Variants in ARB2A observed in about 807,000 individuals in gnomAD.
ARB2A encodes the protein cotranscriptional regulator ARB2A.
chr5:94,029,625 T>A, the ARB2A span, among the ~76,000 whole-genome samples: 3 of 151,302 alleles, frequency 2.0e-5, no homozygotes, highest in Admixed American at 2.0e-4. Context: ...TGCTGTATTA[T>A]CAGTGATCCT....
the ARB2A span, among the ~76,000 whole-genome samples, chr5:94,036,533 T>C: frequency 1.3e-5 from 2 of 152,236 alleles, no homozygotes; most frequent in Admixed American, 6.5e-5. Context: ...TGTTTCTCTA[T>C]AGCCTCATCT....
the ARB2A span, among the ~76,000 whole-genome samples, chr5:93,707,167 C>G: frequency 1.3e-5 from 2 of 152,098 alleles, no homozygotes; most frequent in Non-Finnish European, 2.9e-5. Context: ...CATTGGGAGG[C>G]TGAACAAGTT....
chr5:93,912,714 T>C, the ARB2A span, among the ~76,000 whole-genome samples: 9 of 151,810 alleles, frequency 5.9e-5, no homozygotes, highest in Non-Finnish European at 2.9e-5. Flanking sequence ...GCTAAAAAAT[T>C]TAAAATTTCA....
the ARB2A span, among the ~76,000 whole-genome samples, chr5:93,855,540 T>C: frequency 2.6e-5 from 4 of 152,162 alleles, no homozygotes; most frequent in Admixed American, 6.5e-5. Context: ...GTTGATGCAG[T>C]TTCTTCCTAG....
At chr5:93,713,587 C>T in the ARB2A span, among the ~76,000 whole-genome samples, 3 of 152,000 alleles carry the variant, frequency 2.0e-5, no homozygotes, top group Admixed American at 6.6e-5. Context: ...AAAGGGACAC[C>T]CTTGTACATT....
chr5:93,896,082 T>C, the ARB2A span, among the ~76,000 whole-genome samples: 1 of 152,016 alleles, frequency 6.6e-6, no homozygotes, highest in Non-Finnish European at 1.5e-5. Flanking sequence ...CCATAATATA[T>C]CAATACTATT....
At chr5:94,037,880 T>C in the ARB2A span, among the ~76,000 whole-genome samples, 1 of 152,164 alleles carries the variant, frequency 6.6e-6, no homozygotes, top group Non-Finnish European at 1.5e-5. Flanking sequence ...TTAAATGTAA[T>C]ATTTTTCAGT....
the ARB2A span, among the ~76,000 whole-genome samples, chr5:93,936,219 A>T: frequency 1.3e-5 from 2 of 152,188 alleles, no homozygotes; most frequent in Non-Finnish European, 2.9e-5. Flanking sequence ...ATTACACATT[A>T]TTCTAATTGA....
the ARB2A span, among the ~76,000 whole-genome samples, chr5:93,765,748 G>T: frequency 5.3e-5 from 8 of 152,110 alleles, no homozygotes; most frequent in Non-Finnish European, 1.2e-4. Flanking sequence ...TACGCCAAAA[G>T]AACAAAGCTG....
At chr5:93,882,692 T>G in the ARB2A span, among the ~76,000 whole-genome samples, 1 of 151,396 alleles carries the variant, frequency 6.6e-6, no homozygotes, top group East Asian at 1.9e-4. Flanking sequence ...TATCTTGTCT[T>G]TTCTATTCAG....
the ARB2A span, among the ~76,000 whole-genome samples, chr5:93,942,486 T>G: frequency 6.6e-6 from 1 of 152,014 alleles, no homozygotes; most frequent in South Asian, 2.1e-4. Flanking sequence ...AAAACTTTTT[T>G]TGAAATATAA....
At chr5:93,815,940 G>C in the ARB2A span, among the ~76,000 whole-genome samples, 1 of 152,224 alleles carries the variant, frequency 6.6e-6, no homozygotes, top group Middle Eastern at 3.4e-3. Flanking sequence ...AGCTGAAGTA[G>C]CTCCTCCTGA....
chr5:93,789,534 G>A, the ARB2A span, among the ~76,000 whole-genome samples: 3 of 152,142 alleles, frequency 2.0e-5, no homozygotes, highest in African/African-American at 7.2e-5. Context: ...TGCATTCAGT[G>A]CTTCTACTTC....
At chr5:94,007,872 C>G in the ARB2A span, among the ~76,000 whole-genome samples, 1 of 151,946 alleles carries the variant, frequency 6.6e-6, no homozygotes, top group Admixed American at 6.6e-5. Context: ...TGTGTCAGTA[C>G]CCCCCTGCAA....
the ARB2A span, among the ~76,000 whole-genome samples, chr5:94,077,716 T>G: frequency 6.6e-6 from 1 of 152,238 alleles, no homozygotes; most frequent in Non-Finnish European, 1.5e-5. Context: ...TGATGGAGGT[T>G]AGGTTATAGA....
At chr5:94,028,202 C>A in the ARB2A span, among the ~76,000 whole-genome samples, 3 of 152,120 alleles carry the variant, frequency 2.0e-5, no homozygotes, top group Non-Finnish European at 4.4e-5. Flanking sequence ...CAAACACAAC[C>A]CTGAGAAATG....
chr5:93,838,017 C>T, the ARB2A span, among the ~76,000 whole-genome samples: 1 of 151,926 alleles, frequency 6.6e-6, no homozygotes, highest in Non-Finnish European at 1.5e-5. Context: ...TGATTAGGTC[C>T]CACTTGTCAA....
the ARB2A span, among the ~76,000 whole-genome samples, chr5:93,680,839 T>C: frequency 6.6e-6 from 1 of 152,188 alleles, no homozygotes; most frequent in Non-Finnish European, 1.5e-5. Context: ...CTAAATGATG[T>C]CTCAGTACCT....
the ARB2A span, among the ~76,000 whole-genome samples, chr5:93,710,152 A>G: frequency 1.3e-5 from 2 of 152,228 alleles, no homozygotes; most frequent in African/African-American, 4.8e-5. Context: ...GTTACACAAT[A>G]AGAGATCAGC....
Sources: gnomAD v4.1 joint callset for allele counts (sites outside exome capture counted in the v4.1 genomes callset) on GRCh38, gnomAD v4.1.1 for gene constraint, MANE v1.5 for transcripts, NCBI Gene and HGNC (gene_info 2026-07-23, HGNC 2026-07-21) for gene names.